Variants in KHDRBS2 observed in about 807,000 individuals in gnomAD.
KHDRBS2 encodes KH domain-containing, RNA-binding, signal transduction-associated protein 2.
KHDRBS2 carries 26 observed loss-of-function variants against 44.3 expected under a neutral mutation model. The observed-to-expected ratio is 0.59, with a 90% CI of 0.43 to 0.81. The LOEUF is 0.81. Among genes scored for constraint, KHDRBS2 ranks in the 40% least tolerant of loss-of-function variants. KHDRBS2 has a pLI of 0.00. For synonymous variants in KHDRBS2, 194 were observed against 151.1 expected (o/e 1.28, Z -2.08); for missense variants, 476 against 433.1 (o/e 1.10, Z -0.88).
intron 7 of KHDRBS2, among the ~76,000 whole-genome samples, chr6:61,711,825 G>A (rs1286910833): frequency 6.6e-6 from 1 of 151,830 alleles, no homozygotes; most frequent in Non-Finnish European, 1.5e-5. Context: ...AAGGAAATCA[G>A]GTCTATGGGC....
At chr6:61,569,767 T>A in the KHDRBS2 span, among the ~76,000 whole-genome samples, 1 of 152,146 alleles carries the variant, frequency 6.6e-6, no homozygotes, top group South Asian at 2.1e-4. Context: ...ACAGACATTC[T>A]GCAGCATCAG....
chr6:61,855,178 G>T (rs1795970829), intron 6 of KHDRBS2, among the ~76,000 whole-genome samples: 1 of 152,068 alleles, frequency 6.6e-6, no homozygotes, highest in Non-Finnish European at 1.5e-5. Context: ...TAGGAGACAT[G>T]CCATATCCTT....
At chr6:62,107,539 A>G (rs1047333192) in intron 2 of KHDRBS2, among the ~76,000 whole-genome samples, 7 of 152,216 alleles carry the variant, frequency 4.6e-5, no homozygotes, top group African/African-American at 1.2e-4. Flanking sequence ...TATAGATTCA[A>G]TGCCATCCCC....
At chr6:61,827,676 C>T (rs756145857) in intron 6 of KHDRBS2, among the ~76,000 whole-genome samples, 5 of 152,042 alleles carry the variant, frequency 3.3e-5, no homozygotes, top group Non-Finnish European at 7.4e-5. Context: ...GCTGGTAGTC[C>T]GAGATCAGAG....
chr6:62,136,954 C>T (rs1811655157), intron 2 of KHDRBS2, among the ~76,000 whole-genome samples: 2 of 149,156 alleles, frequency 1.3e-5, no homozygotes, highest in African/African-American at 2.5e-5. Flanking sequence ...CCATTGGATG[C>T]TAAACCTCCT....
chr6:62,254,756 T>A (rs1376390882), intron 1 of KHDRBS2, among the ~76,000 whole-genome samples: 1 of 152,030 alleles, frequency 6.6e-6, no homozygotes, highest in African/African-American at 2.4e-5. Flanking sequence ...TGGATTTCAT[T>A]CTAACTGCAA....
intron 3 of KHDRBS2, among the ~76,000 whole-genome samples, chr6:62,039,367 T>C (rs1225796918): frequency 6.6e-6 from 1 of 151,846 alleles, no homozygotes; most frequent in Non-Finnish European, 1.5e-5. Context: ...TAGAATTTCA[T>C]ACAATTTTGA....
the KHDRBS2 span, among the ~76,000 whole-genome samples, chr6:61,607,459 A>G: frequency 2.7e-5 from 4 of 147,846 alleles, no homozygotes; most frequent in Admixed American, 1.3e-4. Flanking sequence ...ATTTTTTAAA[A>G]GAGGAATATA....
intron 4 of KHDRBS2, among the ~76,000 whole-genome samples, chr6:61,966,546 A>C (rs2127396241): frequency 6.6e-6 from 1 of 152,094 alleles, no homozygotes; most frequent in African/African-American, 2.4e-5. Flanking sequence ...TCTCATTTTG[A>C]AAGTGATCTC....
intron 6 of KHDRBS2, among the ~76,000 whole-genome samples, chr6:61,781,582 C>A (rs563771751): frequency 3.0e-4 from 46 of 152,094 alleles, no homozygotes; most frequent in Non-Finnish European, 5.7e-4. Context: ...CCTTTTCTCC[C>A]TGTTTATTTC....
At chr6:61,563,739 T>G in the KHDRBS2 span, among the ~76,000 whole-genome samples, 1 of 152,106 alleles carries the variant, frequency 6.6e-6, no homozygotes, top group Non-Finnish European at 1.5e-5. Flanking sequence ...TTAAGATATA[T>G]TCTAAAGATA....
At chr6:62,248,086 G>C (rs1835904355) in intron 1 of KHDRBS2, among the ~76,000 whole-genome samples, 1 of 151,950 alleles carries the variant, frequency 6.6e-6, no homozygotes, top group Non-Finnish European at 1.5e-5. Flanking sequence ...TATTAGCCTA[G>C]AGTTGTTAGC....
At chr6:61,743,752 A>G (rs1047112654) in intron 6 of KHDRBS2, among the ~76,000 whole-genome samples, 45 of 151,430 alleles carry the variant, frequency 3.0e-4, no homozygotes, top group Admixed American at 1.1e-3. Context: ...TTTAGCATTA[A>G]GTATATCTCT....
At chr6:62,132,058 T>C (rs767432252) in intron 2 of KHDRBS2, among the ~76,000 whole-genome samples, 22 of 152,154 alleles carry the variant, frequency 1.4e-4, no homozygotes, top group Admixed American at 2.6e-4. Context: ...TTTTGGTAAA[T>C]ATCTTACACT....
At chr6:61,580,915 A>G in the KHDRBS2 span, among the ~76,000 whole-genome samples, 93,589 of 151,992 alleles carry the variant, frequency 0.62, 29,041 homozygotes, top group Non-Finnish European at 0.65. Flanking sequence ...AATTAATTCC[A>G]GACACAAAAG....
chr6:62,201,813 A>T (rs536462396), intron 1 of KHDRBS2, among the ~76,000 whole-genome samples: 104 of 152,180 alleles, frequency 6.8e-4, no homozygotes, highest in African/African-American at 2.5e-3. Flanking sequence ...GATCATCATC[A>T]ATAGACTATT....
chr6:62,231,818 T>C (rs1832948384), intron 1 of KHDRBS2, among the ~76,000 whole-genome samples: 1 of 152,230 alleles, frequency 6.6e-6, no homozygotes, highest in African/African-American at 2.4e-5. Flanking sequence ...TCAGTATTTA[T>C]TTAAGATAAA....
the KHDRBS2 span, among the ~76,000 whole-genome samples, chr6:61,650,634 A>T: frequency 2.0e-5 from 3 of 151,474 alleles, no homozygotes; most frequent in African/African-American, 4.8e-5. Context: ...TAGGCCAAGG[A>T]TCTAAACAAC....
intron 2 of KHDRBS2, among the ~76,000 whole-genome samples, chr6:62,081,970 C>T (rs376902568): frequency 2.0e-5 from 3 of 151,776 alleles, no homozygotes; most frequent in Admixed American, 6.6e-5. Context: ...ATGGAAATAA[C>T]TAAAGGAATT....
Sources: allele counts gnomAD v4.1 joint callset (sites outside exome capture counted in the v4.1 genomes callset), GRCh38; gene constraint gnomAD v4.1.1; transcripts MANE v1.5; gene names NCBI Gene and HGNC (gene_info 2026-07-23, HGNC 2026-07-21).